RNF213: variants seen among roughly 807,000 people sequenced by gnomAD.
The protein encoded by RNF213 is ring finger protein 213, also known as E3 ubiquitin-protein ligase RNF213.
Under a neutral mutation model 514.4 loss-of-function variants are expected in RNF213, and 341 were observed. The ratio of observed to expected loss-of-function variants is 0.66; its 90% CI spans 0.61 to 0.73. RNF213 has a LOEUF of 0.73. Among genes scored for constraint, RNF213 ranks in the 30% least tolerant of loss-of-function variants. The pLI is 0.00. For synonymous variants in RNF213, 2,655 were observed against 2,658.2 expected, an observed-to-expected ratio of 1.00 and a Z score of 0.04; for missense variants, 5,767 against 6,615.6, an observed-to-expected ratio of 0.87 and a Z score of 4.45.
At chr17:80,283,669 A>C (rs1477748304) in intron 3 of RNF213, among the ~76,000 whole-genome samples, 1 of 152,062 alleles carries the variant, frequency 6.6e-6, no homozygotes, top group African/African-American at 2.4e-5. Flanking sequence ...GCCCTTTGCT[A>C]CATCAAGGAA....
intron 42 of RNF213, among the ~76,000 whole-genome samples, chr17:80,365,937 G>T (rs1376601424): frequency 2.6e-5 from 4 of 152,044 alleles, no homozygotes; most frequent in Admixed American, 2.6e-4. Context: ...CGTGGGGAGG[G>T]TTTTTTTTGG....
Position 80,344,994 on chromosome 17 carries a change from G to T in RNF213, c.6659G>T (p.Arg2220Leu). 1 of 1,614,102 alleles carries T rather than the reference G, an allele frequency of 6.2e-7. No individual in the cohort carries two copies. The highest frequency in any genetic ancestry group is 1.7e-5 in the Admixed American group (1 of 60,006). ...TGGTCAGAGCTTCGGAACTTTGCTC[G>T]GTTCCTGAATTATCAGCTCAGAGAT... The part of the protein sequence containing the change: ...PSWSELRNFA[R>L]FLNYQLRDCE... The change falls in exon 29 of 68, where the codon CGG (arginine) becomes CTG (leucine). Residue 2220 changes from arginine to leucine, a missense_variant. Around this residue, in one of 13 missense-constraint regions of RNF213, gnomAD observed 1,377 missense variants for 1,635.2 expected, o/e 0.84. Coordinates refer to ENST00000582970, the MANE Select transcript of RNF213 (RefSeq NM_001256071.3).
At chr17:80,261,291 C>T (rs2043409041) in intron 1 of RNF213, among the ~76,000 whole-genome samples, 1 of 152,228 alleles carries the variant, frequency 6.6e-6, no homozygotes, top group Non-Finnish European at 1.5e-5. Flanking sequence ...GCCCGGGAAT[C>T]CTGCGCCTGT....
chr17:80,346,771 C>T lies in RNF213; in HGVS notation c.8436C>T (p.His2812=), dbSNP rs1402481894. The T allele has an allele frequency of 6.2e-7, 1 of 1,613,822 alleles. No homozygotes were observed. Among genetic ancestry groups the T allele is most frequent in the Non-Finnish European group, 8.5e-7 (1 of 1,180,010 alleles). Residue 2812 remains histidine, a synonymous_variant, in exon 29 of 68, where the codon CAC becomes CAT. Coordinates refer to ENST00000582970, the MANE Select transcript of RNF213 (RefSeq NM_001256071.3). The surrounding 1 kb of genome is among the most constrained non-coding windows in gnomAD (Gnocchi z 8.1). ...VHLVSFQCSP[H]STPQGIISTF... is the part of the protein sequence containing the mutation. ...TGGTGTCCTTCCAGTGCAGCCCGCACTCCACCCCACAGGGCATCATCAGCA... is the reference window on the plus strand; with the variant it reads ...TGGTGTCCTTCCAGTGCAGCCCGCATTCCACCCCACAGGGCATCATCAGCA...
At position 80,396,390 on chromosome 17, in the gene RNF213, C is replaced by A. The variant is rs1182081546; in HGVS notation, c.*2892C>A. 6.6e-6 allele frequency: 1 copy of A among 152,164 alleles called. No homozygotes were observed. The highest frequency in any genetic ancestry group is 2.4e-5 in the African/African-American group (1 of 41,432). The allele number at this position is 152,164 out of a possible 1,614,324, so 9.4% of individuals were successfully genotyped here. ...TTTCAGTTACTCCTGTATGTTCAGG[C>A]AATTCCAATTTAGAAACAAACTTCC... On this transcript the variant is annotated 3_prime_UTR_variant, in exon 68 of 68. Transcript: ENST00000582970.
rs2043549509 is a variant in RNF213 at position 80,264,744 on chromosome 17, C to G, written c.97+966C>G. Among the ~76,000 whole-genome samples, 1 of 152,144 alleles carries G rather than the reference C, an allele frequency of 6.6e-6. No individual in the cohort carries two copies. Among genetic ancestry groups the G allele is most frequent in the Non-Finnish European group, 1.5e-5 (1 of 68,026 alleles). On this transcript the variant is annotated intron_variant, in intron 2 of 67. Transcript: ENST00000582970. The surrounding 1 kb of genome is among the most constrained non-coding windows in gnomAD (Gnocchi z 5.0). ...CCACAGACCCCCTTACAAGATCCGC[C>G]CCTGCCCCCGCTGTAACTCAGGACA...
rs1237128185 is a variant in RNF213 at position 80,393,892 on chromosome 17, GT to G, written c.*395del. On this transcript the variant is annotated 3_prime_UTR_variant, in exon 68 of 68. Coordinates refer to ENST00000582970, the MANE Select transcript of RNF213 (RefSeq NM_001256071.3). ...CTCTTTTTTTTTTTCTTCTAATTCT[GT>G]ACTCACAAAAGAGAATCTCATTTTC... is the stretch of plus-strand genomic sequence containing the variant. 1.4e-5 allele frequency: 3 copies of G among 214,794 alleles called. No homozygotes were observed. Among genetic ancestry groups the G allele is most frequent in the African/African-American group, 7.1e-5 (3 of 41,960 alleles). 13.3% of individuals were successfully genotyped at this position (214,794 alleles called of 1,614,324 possible).
chr17:80,347,318 G>A lies in RNF213; in HGVS notation c.8983G>A (p.Ala2995Thr), dbSNP rs374068975. The A allele has an allele frequency of 1.3e-5, 21 of 1,613,924 alleles. No homozygotes were observed. In the East Asian group the frequency reaches 4.2e-4, roughly 33 times the overall value. Residue 2995 changes from alanine to threonine, a missense_variant, in exon 29 of 68, where the codon GCT (alanine) becomes ACT (threonine). Around this residue, in one of 13 missense-constraint regions of RNF213, gnomAD observed 919 missense variants for 1,121.0 expected, o/e 0.82. Coordinates refer to ENST00000582970, the MANE Select transcript of RNF213 (RefSeq NM_001256071.3). This position sits in a 1 kb window ranked among gnomAD's most constrained non-coding sequence, Gnocchi z 7.2. ...RNFSGKDDIQ[A>T]LDIFLANLPE... The stretch of plus-strand genomic sequence containing the variant: ...CTTCAGTGGCAAGGATGACATCCAA[G>A]CTTTGGACATCTTTCTGGCCAATTT...
At chr17:80,360,796 C>A (rs1277203354) in intron 38 of RNF213, among the ~76,000 whole-genome samples, 1 of 152,230 alleles carries the variant, frequency 6.6e-6, no homozygotes, top group Non-Finnish European at 1.5e-5. Flanking sequence ...TTCATACATG[C>A]AATAGTCTTT....
chr17:80,261,701 C>T (rs1305622373), intron 1 of RNF213, among the ~76,000 whole-genome samples: 2 of 152,218 alleles, frequency 1.3e-5, no homozygotes, highest in Admixed American at 1.3e-4. Flanking sequence ...TGTCTTCCGG[C>T]CCCTAGAGCA....
Position 80,317,731 on chromosome 17 carries a change from C to T in RNF213, c.2901+454C>T, listed in dbSNP as rs146084319. Among the ~76,000 whole-genome samples, 314 of 152,302 alleles carry T rather than the reference C, an allele frequency of 2.1e-3. No homozygotes were observed. Among genetic ancestry groups the T allele is most frequent in the Non-Finnish European group, 3.5e-3 (241 of 68,016 alleles). ...CCCCGAAGCTCCAGAGGGCATGTTACAGTGCTCTCTTAGCTCCGCCGTCTA... is the reference window on the plus strand; with the variant it reads ...CCCCGAAGCTCCAGAGGGCATGTTATAGTGCTCTCTTAGCTCCGCCGTCTA... On this transcript the variant is annotated intron_variant, in intron 16 of 67. Transcript: ENST00000582970. This position sits in a 1 kb window ranked among gnomAD's most constrained non-coding sequence, Gnocchi z 4.1.
rs1024523761 is a variant in RNF213, at chr17:80,288,657, G to A, written c.835G>A (p.Ala279Thr). The change falls in exon 5 of 68, where the codon GCC becomes ACC. Residue 279 changes from alanine (A) to threonine (T), a missense_variant. By Grantham distance (58) the Ala-to-Thr change is moderately conservative (BLOSUM62 0). Transcript: ENST00000582970. The surrounding 1 kb of genome is among the most constrained non-coding windows in gnomAD (Gnocchi z 4.9). ...SMAVDAVAEPANAVKGAGKEM... is the reference protein window; with the variant it reads ...SMAVDAVAEPTNAVKGAGKEM... ...GGCAGTTGATGCTGTAGCTGAGCCAGCCAATGCAGTTAAAGGGGCCGGGAA... is the reference window on the plus strand; with the variant it reads ...GGCAGTTGATGCTGTAGCTGAGCCAACCAATGCAGTTAAAGGGGCCGGGAA... The A allele has an allele frequency of 6.2e-7, 1 of 1,614,190 alleles. No homozygotes were observed. Among genetic ancestry groups the A allele is most frequent in the Non-Finnish European group, 8.5e-7 (1 of 1,180,040 alleles).
chr17:80,310,123 T>C lies in RNF213; in HGVS notation c.2655+952T>C, dbSNP rs147042901. The stretch of plus-strand genomic sequence containing the variant: ...CTCCGACTTTCCCCACTCACCCCCA[T>C]GTCTCTGAGCTCTGTCTGTGTGGTG... On this transcript the variant is annotated intron_variant, in intron 14 of 67. Coordinates refer to ENST00000582970, the MANE Select transcript of RNF213 (RefSeq NM_001256071.3). Among the ~76,000 whole-genome samples, 190 of 152,202 alleles carry C rather than the reference T, an allele frequency of 1.2e-3. 2 individuals are homozygous for C. The highest frequency in any genetic ancestry group is 4.3e-3 in the African/African-American group (178 of 41,524).
In RNF213 at chr17:80,287,666, T is replaced by C. The variant is rs1039069673; in HGVS notation, c.262-149T>C. On this transcript the variant is annotated intron_variant, in intron 3 of 67. Coordinates refer to ENST00000582970, the MANE Select transcript of RNF213 (RefSeq NM_001256071.3). ...ACTTTTGTTTCTTAATTTCATTCTT[T>C]CCAGGAAATTGCAGATTTAACAGAT... 7.5e-6 allele frequency: 6 copies of C among 795,270 alleles called. No homozygotes were observed. In the African/African-American group the frequency reaches 1.0e-4, roughly 14 times the overall value. 49.3% of individuals were successfully genotyped at this position (795,270 alleles called of 1,614,324 possible).
At chr17:80,387,564 C>T (rs1430960375) in intron 63 of RNF213, among the ~76,000 whole-genome samples, 1 of 152,238 alleles carries the variant, frequency 6.6e-6, no homozygotes, top group Non-Finnish European at 1.5e-5. Flanking sequence ...TAAAAGCATC[C>T]TGTACGTTGG....
chr17:80,272,544 A>G (rs1007621514), intron 2 of RNF213, among the ~76,000 whole-genome samples: 2 of 152,194 alleles, frequency 1.3e-5, no homozygotes, highest in African/African-American at 2.4e-5. Flanking sequence ...GAGTAAACCC[A>G]TGACCGCAAA....
At chr17:80,370,155 CTG>C (rs2079458938) in intron 46 of RNF213, among the ~76,000 whole-genome samples, 1 of 152,238 alleles carries the variant, frequency 6.6e-6, no homozygotes, top group African/African-American at 2.4e-5. Context: ...AGGCCAGAAT[CTG>C]TGGTGCTGAG....
chr17:80,375,994 C>T (rs917093399), intron 51 of RNF213, 124 bp downstream of exon 51: 1 of 826,862 alleles, frequency 1.2e-6, no homozygotes, highest in African/African-American at 1.7e-5. Context: ...AGGTTCTCAA[C>T]CTTGTTATGT....
rs141195915 is a variant in RNF213, at chr17:80,377,990, C to G, written c.13545+194C>G. Among the ~76,000 whole-genome samples the G allele has an allele frequency of 2.6e-4, 39 of 152,312 alleles. No individual in the cohort carries two copies. The East Asian group carries it at 5.8e-3, about 23-fold the overall frequency. On this transcript the variant is annotated intron_variant, in intron 54 of 67. Transcript: ENST00000582970. This position sits in a 1 kb window ranked among gnomAD's most constrained non-coding sequence, Gnocchi z 4.1. ...TTTCTAGCCCAGGGCTTCTCAGACTCAGCACTGTGGACGTGGCTCTGCGGC... is the reference window on the plus strand; with the variant it reads ...TTTCTAGCCCAGGGCTTCTCAGACTGAGCACTGTGGACGTGGCTCTGCGGC...
Sources: allele counts gnomAD v4.1 joint callset (sites outside exome capture counted in the v4.1 genomes callset), GRCh38; gene constraint gnomAD v4.1.1; regional missense constraint gnomAD v4.1.1; non-coding constraint Gnocchi (gnomAD v3.1); transcripts MANE v1.5; gene names NCBI Gene and HGNC (gene_info 2026-07-23, HGNC 2026-07-21).